The following FRMD4B variants were observed in gnomAD, a reference collection of about 807,000 sequenced individuals.
FRMD4B encodes the protein FERM domain-containing protein 4B.
Under a neutral mutation model 141.5 loss-of-function variants are expected in FRMD4B, and 74 were observed. The ratio of observed to expected loss-of-function variants is 0.52; its 90% CI spans 0.43 to 0.63. The LOEUF is 0.63. Among genes scored for constraint, FRMD4B ranks in the 30% least tolerant of loss-of-function variants. The pLI, the probability that FRMD4B is intolerant of heterozygous loss-of-function variation, is 0.00. For synonymous variants in FRMD4B, 506 were observed against 467.9 expected (o/e 1.08, Z -1.05); for missense variants, 1,366 against 1,253.4 (o/e 1.09, Z -1.36).
At chr3:69,401,688 C>T (rs1406874832) in intron 2 of FRMD4B, among the ~76,000 whole-genome samples, 1 of 152,046 alleles carries the variant, frequency 6.6e-6, no homozygotes. Context: ...TAGCTGGGAC[C>T]ACACGTGTGC....
intron 3 of FRMD4B, among the ~76,000 whole-genome samples, chr3:69,307,513 G>A (rs925099552): frequency 1.3e-5 from 2 of 151,940 alleles, no homozygotes; most frequent in African/African-American, 4.8e-5. Flanking sequence ...GCTAATTTTT[G>A]TATTTTTAGT....
chr3:69,258,302 A>G (rs2093505154), intron 5 of FRMD4B, among the ~76,000 whole-genome samples: 1 of 152,186 alleles, frequency 6.6e-6, no homozygotes, highest in Non-Finnish European at 1.5e-5. Flanking sequence ...ATTGAGGTAC[A>G]TACAATAAAA....
chr3:69,310,465 G>C (rs1227884654), intron 3 of FRMD4B: 1 of 456,426 alleles, frequency 2.2e-6, no homozygotes, highest in Admixed American at 2.4e-5. Flanking sequence ...TGCAGAAAGT[G>C]GAAGGATTCC....
Position 69,505,971 on chromosome 3 carries a change from G to GAGCT in FRMD4B, c.-129+36231_-129+36234dup, listed in dbSNP as rs142848350. On this transcript the variant is annotated intron_variant, in intron 1 of 5. Coordinates refer to the FRMD4B transcript ENST00000459638. ...AGCAACCAACTAACAGTAGATAAGA[G>GAGCT]AGCTGCCTCATTTACAGCTGCGTTT... 1.2e-3 allele frequency among the ~76,000 whole-genome samples: 180 copies of GAGCT among 152,286 alleles called. 2 individuals are homozygous for GAGCT. The East Asian group carries it at 0.031, about 26-fold the overall frequency.
intron 1 of FRMD4B, among the ~76,000 whole-genome samples, chr3:69,339,505 C>T (rs1702664329): frequency 6.6e-6 from 1 of 152,188 alleles, no homozygotes; most frequent in South Asian, 2.1e-4. Context: ...GGAAAGCACC[C>T]AGCACAGTGC....
At chr3:69,518,338 T>C in intron 1 of FRMD4B, among the ~76,000 whole-genome samples, 1 of 152,150 alleles carries the variant, frequency 6.6e-6, no homozygotes. Context: ...CAGTGATGAC[T>C]TACCGAGTCC....
chr3:69,495,092 C>T (rs760406392), intron 1 of FRMD4B, among the ~76,000 whole-genome samples: 2 of 152,052 alleles, frequency 1.3e-5, no homozygotes, highest in Non-Finnish European at 2.9e-5. Flanking sequence ...TAGACTTGGT[C>T]GCAGCATCCA....
chr3:69,540,389 C>A (rs976148180), intron 1 of FRMD4B, among the ~76,000 whole-genome samples: 1 of 151,312 alleles, frequency 6.6e-6, no homozygotes, highest in African/African-American at 2.4e-5. Flanking sequence ...CCGAGGCGGG[C>A]GGATCACAAG....
chr3:69,455,364 G>A (rs1390859057), intron 1 of FRMD4B, among the ~76,000 whole-genome samples: 3 of 152,172 alleles, frequency 2.0e-5, no homozygotes, highest in Admixed American at 6.5e-5. Flanking sequence ...GGTCTGCACT[G>A]CCTTTATGAG....
chr3:69,335,369 T>C (rs1039845110), intron 1 of FRMD4B, among the ~76,000 whole-genome samples: 3 of 119,400 alleles, frequency 2.5e-5, no homozygotes, highest in Non-Finnish European at 4.9e-5. Context: ...TTTTCATTAT[T>C]GCATTTTTTT....
intron 3 of FRMD4B, among the ~76,000 whole-genome samples, chr3:69,306,873 G>A (rs910508968): frequency 1.3e-5 from 2 of 152,108 alleles, no homozygotes; most frequent in African/African-American, 4.8e-5. Flanking sequence ...TTACGGGGGC[G>A]AAGGGAGGCA....
chr3:69,450,329 C>A (rs899250563), intron 1 of FRMD4B, among the ~76,000 whole-genome samples: 2 of 152,116 alleles, frequency 1.3e-5, no homozygotes, highest in Admixed American at 1.3e-4. Flanking sequence ...TATAGATCAG[C>A]CTGAAAAGAA....
rs115600417 is a variant in FRMD4B at position 69,171,466 on chromosome 3, T to G, written c.*395A>C. On this transcript the variant is annotated 3_prime_UTR_variant, in exon 23 of 23. Transcript: ENST00000398540. ...GTTCCCCTTCTCTCATCCTGCTGAATTGTGCTCTGAGATTTCCCCTGTTCT... is the reference window on the plus strand; with the variant it reads ...GTTCCCCTTCTCTCATCCTGCTGAAGTGTGCTCTGAGATTTCCCCTGTTCT... The G allele has an allele frequency of 6.1e-6, 1 of 164,632 alleles. No homozygotes were observed. Among genetic ancestry groups the G allele is most frequent in the South Asian group, 1.7e-4 (1 of 5,816 alleles). The allele number at this position is 164,632 out of a possible 1,614,324, so 10.2% of individuals were successfully genotyped here. A position where few individuals can be genotyped will look rare whatever the true frequency, so the allele number is the denominator to read the frequency against.
rs2093386288 is a variant in FRMD4B, at chr3:69,241,816, C to A, written c.581+7410G>T. Among the ~76,000 whole-genome samples the A allele has an allele frequency of 2.0e-5, 3 of 152,074 alleles. No individual in the cohort carries two copies. The South Asian group carries it at 6.2e-4, about 32-fold the overall frequency. Reference sequence around the variant, plus strand: ...CCCAGGAGGCGGAGTTTGCAGTGAGCTGCGATTGCACCACTGCACTCCAGC... The same window carrying A: ...CCCAGGAGGCGGAGTTTGCAGTGAGATGCGATTGCACCACTGCACTCCAGC... On this transcript the variant is annotated intron_variant, in intron 7 of 22. Transcript: ENST00000398540.
chr3:69,421,224 AC>A (rs1194303210), intron 2 of FRMD4B, among the ~76,000 whole-genome samples: 1 of 152,214 alleles, frequency 6.6e-6, no homozygotes, highest in African/African-American at 2.4e-5. Flanking sequence ...GAGACAGTAT[AC>A]CAGCCAGGCC....
intron 2 of FRMD4B, among the ~76,000 whole-genome samples, chr3:69,425,120 T>C (rs1321187140): frequency 6.6e-6 from 1 of 152,246 alleles, no homozygotes; most frequent in East Asian, 1.9e-4. Flanking sequence ...CATGGTGTTA[T>C]TATCTCTTAT....
intron 11 of FRMD4B, 26 bp from the exon 12 acceptor site, chr3:69,198,800 G>A: frequency 8.6e-7 from 1 of 1,163,184 alleles, no homozygotes; most frequent in Middle Eastern, 1.9e-4. Flanking sequence ...AAGCCAGGAA[G>A]TATTATTTAT....
At chr3:69,426,066 T>G (rs1302631969) in intron 2 of FRMD4B, among the ~76,000 whole-genome samples, 8 of 152,218 alleles carry the variant, frequency 5.3e-5, no homozygotes, top group Non-Finnish European at 1.0e-4. Context: ...CCTAAATACC[T>G]CACACAAAGG....
chr3:69,481,333 G>T (rs1038945196), intron 1 of FRMD4B, among the ~76,000 whole-genome samples: 2 of 152,124 alleles, frequency 1.3e-5, no homozygotes, highest in Non-Finnish European at 2.9e-5. Flanking sequence ...GACCGGAGCT[G>T]TTCCTATTCG....
Sources: allele counts gnomAD v4.1 joint callset (sites outside exome capture counted in the v4.1 genomes callset), GRCh38; gene constraint gnomAD v4.1.1; transcripts MANE v1.5; gene names NCBI Gene and HGNC (gene_info 2026-07-23, HGNC 2026-07-21).